Variants in XKR6 observed in about 807,000 individuals in gnomAD.
XKR6 encodes XK related 6.
Under a neutral mutation model 56.7 loss-of-function variants are expected in XKR6, and 22 were observed. The observed-to-expected ratio is 0.39, with a 90% CI of 0.28 to 0.55. The LOEUF (loss-of-function observed/expected upper bound fraction) is 0.55. Ranked by LOEUF, XKR6 falls within the 20% of genes least tolerant of loss-of-function variation. The pLI, the probability that XKR6 is intolerant of heterozygous loss-of-function variation, is 0.66. For missense variants in XKR6, 852 were observed against 889.0 expected (o/e 0.96, Z 0.53); for synonymous variants, 524 against 387.8 (o/e 1.35, Z -4.13).
intron 1 of XKR6, among the ~76,000 whole-genome samples, chr8:11,052,577 C>T (rs937742091): frequency 6.6e-5 from 10 of 152,098 alleles, no homozygotes; most frequent in Non-Finnish European, 2.9e-5. Context: ...CCTTCAGCCC[C>T]GTTCCTGGAC....
At chr8:11,097,944 CAAAAAT>C (rs1457617763) in intron 1 of XKR6, among the ~76,000 whole-genome samples, 1 of 150,754 alleles carries the variant, frequency 6.6e-6, no homozygotes, top group African/African-American at 2.4e-5. Flanking sequence ...ACGTGGAAGT[CAAAAAT>C]AATCACATGC....
chr8:11,159,228 G>C (rs1801674107), intron 1 of XKR6, among the ~76,000 whole-genome samples: 1 of 152,126 alleles, frequency 6.6e-6, no homozygotes. Flanking sequence ...AATGACCCTT[G>C]TCCTTCACCC....
chr8:11,076,435 T>C (rs1052605916), intron 1 of XKR6, among the ~76,000 whole-genome samples: 4 of 152,154 alleles, frequency 2.6e-5, no homozygotes, highest in Non-Finnish European at 5.9e-5. Flanking sequence ...TTCCTGCCTG[T>C]TGGGTCCCAG....
chr8:10,914,947 T>G (rs1219885719), intron 2 of XKR6, among the ~76,000 whole-genome samples: 3 of 152,224 alleles, frequency 2.0e-5, no homozygotes, highest in Non-Finnish European at 4.4e-5. Flanking sequence ...GTCCTCCAGG[T>G]GTCTGTCAGC....
chr8:10,912,296 A>C (rs1327214308), intron 2 of XKR6, among the ~76,000 whole-genome samples: 1 of 72,200 alleles, frequency 1.4e-5, no homozygotes, highest in Non-Finnish European at 2.5e-5. Context: ...TACATATATA[A>C]AGAGAGGGTG....
At chr8:11,087,210 G>A (rs867957298) in intron 1 of XKR6, among the ~76,000 whole-genome samples, 2 of 152,194 alleles carry the variant, frequency 1.3e-5, no homozygotes, top group South Asian at 2.1e-4. Flanking sequence ...TTGAAATATC[G>A]CTAAGTCTAC....
At chr8:11,050,464 A>G (rs1563104025) in intron 1 of XKR6, among the ~76,000 whole-genome samples, 1 of 152,116 alleles carries the variant, frequency 6.6e-6, no homozygotes, top group Non-Finnish European at 1.5e-5. Context: ...AATGAGAAAA[A>G]GACAAGTTTG....
intron 1 of XKR6, among the ~76,000 whole-genome samples, chr8:10,962,032 C>T (rs1802075319): frequency 6.6e-6 from 1 of 152,184 alleles, no homozygotes; most frequent in Non-Finnish European, 1.5e-5. Context: ...ACCTTCTCCA[C>T]TTAAAATGCT....
intron 1 of XKR6, among the ~76,000 whole-genome samples, chr8:10,947,219 G>A (rs1049813841): frequency 2.6e-5 from 4 of 152,202 alleles, no homozygotes; most frequent in African/African-American, 7.2e-5. Context: ...GGAAAAGAGA[G>A]AAAATGAAGA....
chr8:11,119,489 G>C (rs1025038294), intron 1 of XKR6, among the ~76,000 whole-genome samples: 21 of 152,160 alleles, frequency 1.4e-4, no homozygotes, highest in Non-Finnish European at 2.5e-4. Context: ...GAATCTGGGT[G>C]CTCCTGCATT....
chr8:11,058,398 A>G (rs1185530295), intron 1 of XKR6, among the ~76,000 whole-genome samples: 1 of 152,250 alleles, frequency 6.6e-6, no homozygotes, highest in East Asian at 1.9e-4. Flanking sequence ...AGCACTATTT[A>G]CAATAGCAAA....
At chr8:11,036,792 G>T (rs1346805372) in intron 1 of XKR6, among the ~76,000 whole-genome samples, 1 of 152,184 alleles carries the variant, frequency 6.6e-6, no homozygotes, top group African/African-American at 2.4e-5. Flanking sequence ...TTAACAACTG[G>T]GAGGCCACCT....
intron 1 of XKR6, among the ~76,000 whole-genome samples, chr8:11,144,223 AGTGTGT>A (rs35351104): frequency 1.9e-4 from 26 of 136,516 alleles, no homozygotes; most frequent in Admixed American, 3.0e-4. Context: ...TTAAATAAAA[AGTGTGT>A]GTGTGTGTGT....
intron 1 of XKR6, among the ~76,000 whole-genome samples, chr8:10,958,565 G>T (rs1171454687): frequency 3.3e-5 from 5 of 152,172 alleles, no homozygotes; most frequent in Non-Finnish European, 7.3e-5. Flanking sequence ...GCACCCATGA[G>T]GGAAAGAAGT....
At chr8:11,027,022 T>C (rs1382578217) in intron 1 of XKR6, among the ~76,000 whole-genome samples, 1 of 152,192 alleles carries the variant, frequency 6.6e-6, no homozygotes, top group Non-Finnish European at 1.5e-5. Context: ...TTAGATGCTG[T>C]TGCCTACTAC....
rs1334577243 is a variant in XKR6, at chr8:11,096,493, G to A, written c.764+104083C>T. Among the ~76,000 whole-genome samples, 4 of 152,178 alleles carry A rather than the reference G, an allele frequency of 2.6e-5. No homozygotes were observed. In the East Asian group the frequency reaches 5.8e-4, roughly 22 times the overall value. On this transcript the variant is annotated intron_variant, in intron 1 of 2. Transcript: ENST00000416569. ...TTATGTTTTTAACAAAACACCATTA[G>A]AATACTGCACAACGAAGGCATTGGT...
intron 1 of XKR6, among the ~76,000 whole-genome samples, chr8:10,943,784 G>GCACTATGC (rs1314822753): frequency 1.3e-4 from 20 of 152,192 alleles, no homozygotes; most frequent in African/African-American, 4.8e-4. Context: ...TTACGCCAGG[G>GCACTATGC]CACTATGCTC....
rs569673791 is a variant in XKR6 at position 10,965,088 on chromosome 8, T to A, written c.765-40258A>T. ...CAAGCCTGCTTGTTGGGCTCTCAGC[T>A]TAGGAAACCATATTGCCAAGGCCCC... On this transcript the variant is annotated intron_variant, in intron 1 of 2. Coordinates refer to ENST00000416569, the MANE Select transcript of XKR6 (RefSeq NM_173683.4). Among the ~76,000 whole-genome samples the A allele has an allele frequency of 7.2e-5, 11 of 152,338 alleles. No individual in the cohort carries two copies. The East Asian group carries it at 1.5e-3, about 21-fold the overall frequency.
intron 1 of XKR6, among the ~76,000 whole-genome samples, chr8:11,183,476 T>C (rs913925503): frequency 1.3e-4 from 19 of 150,456 alleles, no homozygotes; most frequent in Non-Finnish European, 2.7e-4. Context: ...CACACCTGTC[T>C]AGTTTTTTTT....
Sources: gnomAD v4.1 joint callset for allele counts (sites outside exome capture counted in the v4.1 genomes callset) on GRCh38, gnomAD v4.1.1 for gene constraint, MANE v1.5 for transcripts, NCBI Gene and HGNC (gene_info 2026-07-23, HGNC 2026-07-21) for gene names.